SYN3: variants seen among roughly 807,000 people sequenced by gnomAD.
The protein encoded by SYN3 is synapsin-3.
In SYN3, 35 loss-of-function variants were observed where a neutral mutation model predicts 65.8. That is an observed-to-expected ratio of 0.53 (90% CI 0.41 to 0.70). The LOEUF is 0.70. Among genes scored for constraint, SYN3 ranks in the 30% least tolerant of loss-of-function variants. The pLI, the probability that SYN3 is intolerant of heterozygous loss-of-function variation, is 0.00. For synonymous variants in SYN3, 270 were observed against 292.9 expected (o/e 0.92, Z 0.80); for missense variants, 680 against 749.0 (o/e 0.91, Z 1.08).
At chr22:32,978,031 C>CA (rs1313736446) in intron 3 of SYN3, among the ~76,000 whole-genome samples, 1 of 152,160 alleles carries the variant, frequency 6.6e-6, no homozygotes, top group African/African-American at 2.4e-5. Flanking sequence ...TGGAAAGACT[C>CA]AGAGAAGGAG....
intron 4 of SYN3, among the ~76,000 whole-genome samples, chr22:32,875,600 A>AC (rs1242967947): frequency 6.6e-6 from 1 of 152,210 alleles, no homozygotes; most frequent in Non-Finnish European, 1.5e-5. Flanking sequence ...GAGGAGAGTG[A>AC]ACCCTAACCC....
In SYN3 at chr22:33,030,982, GACAA is replaced by G. The variant is rs2053745786; in HGVS notation, c.-162-24162_-162-24159del. On this transcript the variant is annotated intron_variant, in intron 1 of 13. Coordinates refer to ENST00000358763, the MANE Select transcript of SYN3 (RefSeq NM_003490.4). ...ACATAGACAGACACAGAGAGATAGAGACAAACAGAGACATAGAGAAACAGATAGA... is the reference window on the plus strand; with the variant it reads ...ACATAGACAGACACAGAGAGATAGAGACAGAGACATAGAGAAACAGATAGA... Among the ~76,000 whole-genome samples the G allele has an allele frequency of 2.0e-5, 3 of 152,286 alleles. No individual in the cohort carries two copies. In the South Asian group the frequency reaches 6.2e-4, roughly 32 times the overall value.
chr22:32,777,454 T>A (rs2045936659), intron 6 of SYN3, among the ~76,000 whole-genome samples: 1 of 152,072 alleles, frequency 6.6e-6, no homozygotes, highest in African/African-American at 2.4e-5. Context: ...CTCGGTGCAA[T>A]ATTGTCCCCA....
chr22:33,058,101 G>T (rs991100636), intron 1 of SYN3, among the ~76,000 whole-genome samples, 191 bp downstream of exon 1: 2 of 152,058 alleles, frequency 1.3e-5, no homozygotes, highest in African/African-American at 4.8e-5. Context: ...GGCAGCCTGG[G>T]GAGACACCGT....
At chr22:32,757,559 A>T (rs1218449992) in intron 6 of SYN3, among the ~76,000 whole-genome samples, 1 of 151,668 alleles carries the variant, frequency 6.6e-6, no homozygotes. Flanking sequence ...GGCCTCCCAA[A>T]GTGCTGGGAT....
intron 3 of SYN3, among the ~76,000 whole-genome samples, chr22:32,955,127 C>T (rs1167195076): frequency 2.0e-5 from 3 of 152,038 alleles, no homozygotes; most frequent in East Asian, 1.9e-4. Flanking sequence ...TCTGCACATC[C>T]AGGGAACAGC....
chr22:32,855,779 A>G (rs867980181), intron 6 of SYN3, among the ~76,000 whole-genome samples: 6 of 152,174 alleles, frequency 3.9e-5, no homozygotes, highest in Admixed American at 1.3e-4. Context: ...ACATTGCCAC[A>G]TGTCCCAAAT....
rs187196673 is a variant in SYN3, at chr22:32,769,578, G to A, written c.711+95337C>T. 2.9e-3 allele frequency among the ~76,000 whole-genome samples: 441 copies of A among 150,698 alleles called. 4 individuals are homozygous for A. Among genetic ancestry groups the A allele is most frequent in the Non-Finnish European group, 1.6e-3 (107 of 67,856 alleles). On this transcript the variant is annotated intron_variant, in intron 6 of 13. Coordinates refer to ENST00000358763, the MANE Select transcript of SYN3 (RefSeq NM_003490.4). ...GTTGCCCAGGCTGGAGTACAGTGGC[G>A]CGATCTCGGCTCAACGCAACCTCCG...
chr22:32,945,525 C>T (rs112648970), intron 3 of SYN3, among the ~76,000 whole-genome samples: 1 of 152,020 alleles, frequency 6.6e-6, no homozygotes, highest in Non-Finnish European at 1.5e-5. Context: ...CCTTACACCT[C>T]ATACAAAAAT....
chr22:32,946,004 A>G (rs1458795813), intron 3 of SYN3, among the ~76,000 whole-genome samples: 2 of 152,224 alleles, frequency 1.3e-5, no homozygotes. Context: ...ACCATCTCAT[A>G]CCAGTTAGAA....
intron 6 of SYN3, among the ~76,000 whole-genome samples, chr22:32,770,949 G>A (rs983211821): frequency 1.3e-5 from 2 of 151,322 alleles, no homozygotes; most frequent in African/African-American, 2.5e-5. Flanking sequence ...GTGCAGGTTC[G>A]TTACAGAGGT....
At chr22:32,987,520 G>GC (rs1480439616) in intron 2 of SYN3, among the ~76,000 whole-genome samples, 2 of 152,202 alleles carry the variant, frequency 1.3e-5, no homozygotes, top group African/African-American at 2.4e-5. Context: ...CAATGGTGCA[G>GC]CCTCTCAGTC....
intron 6 of SYN3, among the ~76,000 whole-genome samples, chr22:32,842,638 A>G (rs946631986): frequency 7.9e-5 from 12 of 152,204 alleles, no homozygotes. Context: ...TTGTACATAT[A>G]CATTGTCTCA....
chr22:33,040,670 G>A (rs1018044718), intron 1 of SYN3, among the ~76,000 whole-genome samples: 2 of 152,134 alleles, frequency 1.3e-5, no homozygotes, highest in African/African-American at 4.8e-5. Flanking sequence ...GAGACCAGGT[G>A]GACGTAATTG....
intron 3 of SYN3, among the ~76,000 whole-genome samples, chr22:32,933,281 T>C (rs2050685656): frequency 6.6e-6 from 1 of 152,138 alleles, no homozygotes; most frequent in Admixed American, 6.5e-5. Context: ...GCCTAAGCAT[T>C]TTACACATAT....
intron 7 of SYN3, among the ~76,000 whole-genome samples, chr22:32,557,026 T>C (rs1014534853): frequency 3.0e-4 from 46 of 152,118 alleles, no homozygotes; most frequent in African/African-American, 1.1e-3. Context: ...CTTTTTAAGA[T>C]GGTATAAACT....
At chr22:32,814,107 CGT>C (rs130279) in intron 6 of SYN3, among the ~76,000 whole-genome samples, 7,531 of 97,564 alleles carry the variant, frequency 0.077, 367 homozygotes, top group South Asian at 0.15. Flanking sequence ...AGGCAATACT[CGT>C]GTGTGTGTGT....
chr22:32,519,378 A>C (rs1328621059), intron 12 of SYN3: 1 of 152,020 alleles, frequency 6.6e-6, no homozygotes. Context: ...GACAAGAATT[A>C]ACTCTTACTT....
chr22:32,890,463 C>A (rs1008312326), intron 4 of SYN3, among the ~76,000 whole-genome samples: 5 of 151,938 alleles, frequency 3.3e-5, no homozygotes, highest in African/African-American at 1.2e-4. Flanking sequence ...TCATTGCAAG[C>A]TCCGCCTCCC....
Sources: allele counts gnomAD v4.1 joint callset (sites outside exome capture counted in the v4.1 genomes callset), GRCh38; gene constraint gnomAD v4.1.1; transcripts MANE v1.5; gene names NCBI Gene and HGNC (gene_info 2026-07-23, HGNC 2026-07-21).